TAOK1: variants seen among roughly 807,000 people sequenced by gnomAD.
TAOK1 encodes the protein serine/threonine-protein kinase TAO1.
A neutral mutation model predicts 138.3 loss-of-function variants in TAOK1; 21 were observed. That is an observed-to-expected ratio of 0.15 (90% confidence interval 0.11 to 0.22). TAOK1 has a LOEUF of 0.22. Among genes scored for constraint, TAOK1 ranks in the 10% least tolerant of loss-of-function variants. The pLI is 1.00. For missense variants in TAOK1, 651 were observed against 1,227.7 expected, an observed-to-expected ratio of 0.53 and a Z score of 7.02; for synonymous variants, 361 against 398.4, an observed-to-expected ratio of 0.91 and a Z score of 1.12.
intron 11 of TAOK1, among the ~76,000 whole-genome samples, chr17:29,497,946 C>T (rs564184190): frequency 1.6e-4 from 24 of 151,344 alleles, no homozygotes; most frequent in Non-Finnish European, 1.9e-4. Flanking sequence ...TTTGTATTAA[C>T]CAAGAATTAT....
At chr17:29,415,337 T>G (rs1179194208) in intron 1 of TAOK1, among the ~76,000 whole-genome samples, 1 of 152,228 alleles carries the variant, frequency 6.6e-6, no homozygotes, top group Admixed American at 6.6e-5. Context: ...ATGTACTGTT[T>G]TCAGTTCTTT....
intron 13 of TAOK1, among the ~76,000 whole-genome samples, chr17:29,503,974 G>C (rs1567737395): frequency 6.6e-6 from 1 of 152,122 alleles, no homozygotes; most frequent in South Asian, 2.1e-4. Flanking sequence ...AGCTGGGCAT[G>C]GTGGCGTGTG....
chr17:29,435,905 C>T (rs1213107740), intron 1 of TAOK1, among the ~76,000 whole-genome samples: 3 of 152,160 alleles, frequency 2.0e-5, no homozygotes, highest in South Asian at 2.1e-4. Flanking sequence ...CCAAGGCAGG[C>T]GGATCACGAG....
At chr17:29,490,919 C>T (rs143535620) in intron 9 of TAOK1, among the ~76,000 whole-genome samples, 1 of 152,202 alleles carries the variant, frequency 6.6e-6, no homozygotes, top group Admixed American at 6.5e-5. Flanking sequence ...CCCACAAGCC[C>T]TTTTTATAGC....
chr17:29,495,543 C>T lies in TAOK1; in HGVS notation c.832-17C>T, dbSNP rs1411961503. On this transcript the variant is annotated splice_polypyrimidine_tract_variant and intron_variant, in intron 10 of 19. Coordinates refer to ENST00000261716, the MANE Select transcript of TAOK1 (RefSeq NM_020791.4). ...AATTGAAAAAAAAATCAACCTTTTACCTTCTACCCTATCTAGCACATATTT... is the reference window on the plus strand; with the variant it reads ...AATTGAAAAAAAAATCAACCTTTTATCTTCTACCCTATCTAGCACATATTT... 1 of 1,529,166 alleles carries T rather than the reference C, an allele frequency of 6.5e-7. No individual in the cohort carries two copies. Among genetic ancestry groups the T allele is most frequent in the Non-Finnish European group, 8.8e-7 (1 of 1,134,100 alleles). The allele number at this position is 1,529,166 out of a possible 1,614,324, so 94.7% of individuals were successfully genotyped here.
chr17:29,509,808 A>C (rs1030974415), intron 14 of TAOK1, among the ~76,000 whole-genome samples: 4 of 151,840 alleles, frequency 2.6e-5, no homozygotes, highest in African/African-American at 9.7e-5. Flanking sequence ...AGGTGGGAAG[A>C]TCACTTGAGC....
chr17:29,530,115 G>A (rs1438955809), intron 17 of TAOK1, among the ~76,000 whole-genome samples: 1 of 152,114 alleles, frequency 6.6e-6, no homozygotes, highest in Admixed American at 6.5e-5. Flanking sequence ...ATCTACTCAG[G>A]TCACTAACTT....
chr17:29,418,381 T>C (rs551669834), intron 1 of TAOK1, among the ~76,000 whole-genome samples: 2 of 152,258 alleles, frequency 1.3e-5, no homozygotes, highest in African/African-American at 4.8e-5. Flanking sequence ...TTTATTTTTA[T>C]TTTTTGTAGA....
intron 1 of TAOK1, among the ~76,000 whole-genome samples, chr17:29,430,029 G>C (rs1905775067): frequency 6.6e-6 from 1 of 152,122 alleles, no homozygotes; most frequent in Admixed American, 6.5e-5. Flanking sequence ...AATCACAAGA[G>C]CTTTTTCTTC....
chr17:29,418,735 A>G (rs78363982), intron 1 of TAOK1, among the ~76,000 whole-genome samples: 2,758 of 152,312 alleles, frequency 0.018, 45 homozygotes, highest in Middle Eastern at 0.027. Context: ...TACTTGGTGC[A>G]TGGCAAATTC....
At chr17:29,531,702 G>T (rs1303326488) in intron 18 of TAOK1, among the ~76,000 whole-genome samples, 1 of 151,350 alleles carries the variant, frequency 6.6e-6, no homozygotes, top group African/African-American at 2.4e-5. Flanking sequence ...GGCAGAGGTT[G>T]CAGTGAGCCG....
At chr17:29,530,849 C>T in intron 18 of TAOK1, 1 of 556,234 alleles carries the variant, frequency 1.8e-6, no homozygotes, top group South Asian at 2.0e-5. Flanking sequence ...AGGCTCCCTG[C>T]CAGCACAGAT....
chr17:29,504,145 C>A, intron 13 of TAOK1, among the ~76,000 whole-genome samples: 1 of 147,182 alleles, frequency 6.8e-6, no homozygotes, highest in Non-Finnish European at 1.5e-5. Context: ...GGTGTGGTGG[C>A]ATGTGCCTGT....
chr17:29,450,637 AAGT>A (rs1340903828), intron 1 of TAOK1, among the ~76,000 whole-genome samples: 1 of 152,094 alleles, frequency 6.6e-6, no homozygotes, highest in African/African-American at 2.4e-5. Flanking sequence ...TTAGCCGCCA[AAGT>A]AGCCAGGACT....
chr17:29,505,389 C>T (rs1301985066), intron 13 of TAOK1, among the ~76,000 whole-genome samples: 2 of 152,068 alleles, frequency 1.3e-5, no homozygotes, highest in Admixed American at 6.6e-5. Context: ...CAAAATCCAC[C>T]GATAACCCAA....
At chr17:29,464,153 G>A (rs1363688263) in intron 2 of TAOK1, among the ~76,000 whole-genome samples, 1 of 151,826 alleles carries the variant, frequency 6.6e-6, no homozygotes, top group Non-Finnish European at 1.5e-5. Flanking sequence ...AAGAGTTTAT[G>A]GGCCAGGCGC....
chr17:29,408,896 A>G (rs966679625), intron 1 of TAOK1, among the ~76,000 whole-genome samples: 2 of 151,710 alleles, frequency 1.3e-5, no homozygotes, highest in Non-Finnish European at 2.9e-5. Flanking sequence ...GTATTTTAGT[A>G]GAGACGGGGT....
rs2030625351 is a variant in TAOK1 at position 29,465,013 on chromosome 17, G to T, written c.133-2132G>T. ...TTTTTATATTTTTGGTAGAGACGGG[G>T]TTTCACCAAGTTGGCCAGGCTGGTC... On this transcript the variant is annotated intron_variant, in intron 2 of 19. Transcript: ENST00000261716. Among the ~76,000 whole-genome samples, 3 of 150,700 alleles carry T rather than the reference G, an allele frequency of 2.0e-5. No individual in the cohort carries two copies. In the South Asian group the frequency reaches 6.3e-4, roughly 31 times the overall value.
At chr17:29,396,990 CAA>C (rs555104841) in intron 1 of TAOK1, among the ~76,000 whole-genome samples, 13,555 of 69,536 alleles carry the variant, frequency 0.19, 868 homozygotes, top group Middle Eastern at 0.28. Flanking sequence ...AACTCTGTCT[CAA>C]AAAAAAAAAA....
Sources: gnomAD v4.1 joint callset for allele counts (sites outside exome capture counted in the v4.1 genomes callset) on GRCh38, gnomAD v4.1.1 for gene constraint, MANE v1.5 for transcripts, NCBI Gene and HGNC (gene_info 2026-07-23, HGNC 2026-07-21) for gene names.